The following SIDT1 variants were observed in gnomAD, a reference collection of about 807,000 sequenced individuals.
SIDT1 encodes the protein SID1 transmembrane family member 1, also known as SID1 transmembrane family, member 1.
SIDT1 carries 101 observed loss-of-function variants against 107.5 expected under a neutral mutation model. The observed-to-expected ratio is 0.94, with a 90% CI of 0.80 to 1.11. The LOEUF (loss-of-function observed/expected upper bound fraction) is 1.11. SIDT1 is among the 50% of genes least tolerant of loss of function. The probability of loss-of-function intolerance (pLI) is 0.00; values close to 1 mark genes in which losing one functional copy is unlikely to be tolerated. For synonymous variants in SIDT1, 395 were observed against 398.2 expected (o/e 0.99, Z 0.10); for missense variants, 1,076 against 1,058.2 (o/e 1.02, Z -0.23).
At chr3:113,605,001 CCA>C in intron 14 of SIDT1, 25 bp downstream of exon 14, 2 of 1,613,060 alleles carry the variant, frequency 1.2e-6, no homozygotes, top group Non-Finnish European at 1.7e-6. Flanking sequence ...AGCCCCAGCC[CCA>C]GAGTCCCAGC....
At chr3:113,538,709 G>C (rs1429144946) in intron 1 of SIDT1, among the ~76,000 whole-genome samples, 1 of 152,178 alleles carries the variant, frequency 6.6e-6, no homozygotes, top group Non-Finnish European at 1.5e-5. Flanking sequence ...AGTACTGTAA[G>C]ATTTAAGAGA....
intron 1 of SIDT1, among the ~76,000 whole-genome samples, chr3:113,544,032 T>C (rs1396332484): frequency 6.6e-6 from 1 of 152,214 alleles, no homozygotes; most frequent in Non-Finnish European, 1.5e-5. Context: ...TATAACTTAG[T>C]CAAATTTCAC....
chr3:113,629,808 T>C (rs1947068352), downstream of SIDT1, among the ~76,000 whole-genome samples: 1 of 152,222 alleles, frequency 6.6e-6, no homozygotes, highest in African/African-American at 2.4e-5. Context: ...CTTCACTGTT[T>C]TCTGATCACG....
At chr3:113,574,405 A>G (rs1942734288) in intron 3 of SIDT1, among the ~76,000 whole-genome samples, 1 of 152,142 alleles carries the variant, frequency 6.6e-6, no homozygotes, top group Admixed American at 6.5e-5. Context: ...ATAGGATATC[A>G]TTTCCTTCAA....
chr3:113,552,208 C>T (rs1023276510), intron 1 of SIDT1, among the ~76,000 whole-genome samples: 5 of 152,254 alleles, frequency 3.3e-5, no homozygotes, highest in East Asian at 1.9e-4. Flanking sequence ...CCTGTATTTG[C>T]GCTCCCTTTC....
At chr3:113,594,159 C>G (rs1944377901) in intron 10 of SIDT1, among the ~76,000 whole-genome samples, 1 of 152,166 alleles carries the variant, frequency 6.6e-6, no homozygotes, top group Admixed American at 6.5e-5. Context: ...CCAGCAGGAT[C>G]ATTGCTCCCT....
At chr3:113,610,576 G>A (rs933507120) in intron 17 of SIDT1, among the ~76,000 whole-genome samples, 1 of 152,090 alleles carries the variant, frequency 6.6e-6, no homozygotes. Context: ...TTATATTTTA[G>A]GGTGCTGAGA....
chr3:113,577,301 G>A (rs1443268759), intron 4 of SIDT1, among the ~76,000 whole-genome samples: 4 of 152,172 alleles, frequency 2.6e-5, no homozygotes, highest in African/African-American at 7.2e-5. Flanking sequence ...GGTTAAGAAC[G>A]GAGAGACACA....
chr3:113,550,871 A>T (rs752150777), intron 1 of SIDT1, among the ~76,000 whole-genome samples: 44 of 152,050 alleles, frequency 2.9e-4, no homozygotes, highest in Non-Finnish European at 5.9e-4. Flanking sequence ...CTCAACTAAG[A>T]CTAGTACCCA....
At chr3:113,584,158 G>A (rs1943568850) in intron 7 of SIDT1, among the ~76,000 whole-genome samples, 1 of 152,212 alleles carries the variant, frequency 6.6e-6, no homozygotes, top group Admixed American at 6.5e-5. Flanking sequence ...ACTGTTGAGT[G>A]TAACATCATT....
chr3:113,599,285 C>T (rs1944788905), intron 10 of SIDT1, among the ~76,000 whole-genome samples: 2 of 152,210 alleles, frequency 1.3e-5, no homozygotes, highest in African/African-American at 4.8e-5. Flanking sequence ...AAAGAAGATG[C>T]AGGATGACCC....
downstream of SIDT1, among the ~76,000 whole-genome samples, chr3:113,630,660 G>A (rs1257357559): frequency 2.6e-5 from 4 of 152,168 alleles, no homozygotes; most frequent in African/African-American, 4.8e-5. Flanking sequence ...TACAATCTGC[G>A]GAAGATTCTG....
chr3:113,634,628 T>C, the SIDT1 span, among the ~76,000 whole-genome samples: 1 of 151,938 alleles, frequency 6.6e-6, no homozygotes, highest in Admixed American at 6.6e-5. Context: ...AAACCTTGTC[T>C]TTACCAAAAA....
chr3:113,596,744 T>C (rs1040628339), intron 10 of SIDT1, among the ~76,000 whole-genome samples: 15 of 152,216 alleles, frequency 9.9e-5, no homozygotes, highest in African/African-American at 3.4e-4. Context: ...AGTTACCAGC[T>C]GAGAAAAATA....
intron 3 of SIDT1, among the ~76,000 whole-genome samples, chr3:113,574,326 G>A (rs1444912850): frequency 1.3e-5 from 2 of 152,200 alleles, no homozygotes; most frequent in Non-Finnish European, 2.9e-5. Context: ...GTCCTGAAGG[G>A]AGTTCATAGC....
intron 1 of SIDT1, among the ~76,000 whole-genome samples, chr3:113,563,313 G>A (rs1941602252): frequency 6.6e-6 from 1 of 151,916 alleles, no homozygotes; most frequent in African/African-American, 2.4e-5. Context: ...TACCACATAT[G>A]AGTATTGATT....
chr3:113,564,841 T>C (rs1243418328), intron 1 of SIDT1, among the ~76,000 whole-genome samples: 1 of 152,192 alleles, frequency 6.6e-6, no homozygotes. Flanking sequence ...ATAATTTCCA[T>C]GGAAACATGT....
chr3:113,636,036 T>G, the SIDT1 span, among the ~76,000 whole-genome samples: 1 of 152,066 alleles, frequency 6.6e-6, no homozygotes, highest in Non-Finnish European at 1.5e-5. Flanking sequence ...TAGGACTTGG[T>G]TTGGAACTCT....
intron 1 of SIDT1, among the ~76,000 whole-genome samples, chr3:113,551,112 G>A (rs1348023981): frequency 6.6e-6 from 1 of 152,186 alleles, no homozygotes; most frequent in African/African-American, 2.4e-5. Flanking sequence ...TTTTATGGCT[G>A]TGTAGTATTC....
Sources: gnomAD v4.1 joint callset for allele counts (sites outside exome capture counted in the v4.1 genomes callset) on GRCh38, gnomAD v4.1.1 for gene constraint, MANE v1.5 for transcripts, NCBI Gene and HGNC (gene_info 2026-07-23, HGNC 2026-07-21) for gene names.